LRRC4C: variants seen among roughly 807,000 people sequenced by gnomAD.
LRRC4C encodes the protein leucine-rich repeat-containing protein 4C.
Under a neutral mutation model 33.6 loss-of-function variants are expected in LRRC4C, and 5 were observed. The ratio of observed to expected loss-of-function variants is 0.15; its 90% CI spans 0.08 to 0.31. The LOEUF is 0.31. Among genes scored for constraint, LRRC4C ranks in the 10% least tolerant of loss-of-function variants. The pLI, the probability that LRRC4C is intolerant of heterozygous loss-of-function variation, is 1.00. For missense variants in LRRC4C, 560 were observed against 796.7 expected, an observed-to-expected ratio of 0.70 and a Z score of 3.58; for synonymous variants, 329 against 302.0, an observed-to-expected ratio of 1.09 and a Z score of -0.93.
At chr11:41,097,646 T>A (rs1940898231) in intron 1 of LRRC4C, among the ~76,000 whole-genome samples, 1 of 152,192 alleles carries the variant, frequency 6.6e-6, no homozygotes, top group Non-Finnish European at 1.5e-5. Flanking sequence ...TGTAAGATAC[T>A]ACCAGGACCA....
At chr11:40,716,485 G>C (rs1946724293) in intron 2 of LRRC4C, among the ~76,000 whole-genome samples, 1 of 151,988 alleles carries the variant, frequency 6.6e-6, no homozygotes, top group Non-Finnish European at 1.5e-5. Flanking sequence ...AAAAACAATT[G>C]CTTCACTTTT....
intron 3 of LRRC4C, among the ~76,000 whole-genome samples, chr11:40,633,577 C>A (rs1963704650): frequency 6.6e-6 from 1 of 151,614 alleles, no homozygotes. Flanking sequence ...TTAGTAGAGA[C>A]AGGGTTTCAC....
intron 1 of LRRC4C, among the ~76,000 whole-genome samples, chr11:40,959,540 G>A (rs1959106792): frequency 6.6e-6 from 1 of 151,600 alleles, no homozygotes; most frequent in South Asian, 2.1e-4. Context: ...TATTAATTTT[G>A]CATTAAGTTT....
chr11:40,975,753 T>C (rs1380281722), intron 1 of LRRC4C, among the ~76,000 whole-genome samples: 2 of 152,170 alleles, frequency 1.3e-5, no homozygotes, highest in Non-Finnish European at 2.9e-5. Context: ...TGAGAAGAAG[T>C]TACACAGTTG....
At chr11:41,027,385 C>T (rs191347001) in intron 1 of LRRC4C, among the ~76,000 whole-genome samples, 7 of 151,620 alleles carry the variant, frequency 4.6e-5, no homozygotes, top group Admixed American at 4.0e-4. Flanking sequence ...CTGACTCAGT[C>T]TTCAATTACT....
chr11:41,057,857 A>G (rs116049243), intron 1 of LRRC4C, among the ~76,000 whole-genome samples: 1 of 152,056 alleles, frequency 6.6e-6, no homozygotes, highest in Admixed American at 6.6e-5. Flanking sequence ...ATCTGTCAGG[A>G]TGAATTGTGT....
At chr11:40,779,651 T>A (rs1477443015) in intron 2 of LRRC4C, among the ~76,000 whole-genome samples, 1 of 152,172 alleles carries the variant, frequency 6.6e-6, no homozygotes, top group Non-Finnish European at 1.5e-5. Flanking sequence ...TAGAGTCACG[T>A]ATCTGGAATT....
chr11:40,894,225 A>G (rs1019852375), intron 2 of LRRC4C, among the ~76,000 whole-genome samples: 11 of 152,160 alleles, frequency 7.2e-5, no homozygotes, highest in Non-Finnish European at 1.3e-4. Flanking sequence ...GTATTGATAC[A>G]TGTCTCTAAA....
chr11:41,229,616 C>T (rs1947693989), intron 1 of LRRC4C, among the ~76,000 whole-genome samples: 2 of 152,034 alleles, frequency 1.3e-5, no homozygotes, highest in South Asian at 2.1e-4. Flanking sequence ...TCTTGTATGG[C>T]CAATTTCTCA....
At chr11:40,392,787 T>C in intron 3 of LRRC4C, among the ~76,000 whole-genome samples, 1 of 152,282 alleles carries the variant, frequency 6.6e-6, no homozygotes, top group East Asian at 1.9e-4. Flanking sequence ...CTACTATGTA[T>C]CATGTTCTAA....
chr11:40,546,127 TTCCTTC>T (rs1956913196), intron 3 of LRRC4C, among the ~76,000 whole-genome samples: 1 of 150,136 alleles, frequency 6.7e-6, no homozygotes, highest in African/African-American at 2.5e-5. Flanking sequence ...CCTTCCTTCC[TTCCTTC>T]TTTCCTTTCT....
chr11:40,506,650 AT>A (rs1367774924), intron 3 of LRRC4C, among the ~76,000 whole-genome samples: 5 of 152,138 alleles, frequency 3.3e-5, no homozygotes, highest in Admixed American at 1.3e-4. Context: ...TGAAAAAAAA[AT>A]AATTCTAATG....
chr11:40,808,568 CCCCTGCCTT>C (rs1951348809), intron 2 of LRRC4C, among the ~76,000 whole-genome samples: 1 of 152,084 alleles, frequency 6.6e-6, no homozygotes, highest in Non-Finnish European at 1.5e-5. Context: ...CTCTCTGTCT[CCCCTGCCTT>C]CTCCTCTGCA....
At chr11:41,136,791 C>T (rs908237468) in intron 1 of LRRC4C, among the ~76,000 whole-genome samples, 46 of 152,216 alleles carry the variant, frequency 3.0e-4, no homozygotes, top group African/African-American at 8.4e-4. Context: ...GCTCAGTTAT[C>T]GAGCCCAAGA....
intron 1 of LRRC4C, among the ~76,000 whole-genome samples, chr11:41,214,799 A>G (rs938662891): frequency 3.4e-5 from 5 of 146,172 alleles, no homozygotes; most frequent in African/African-American, 1.3e-4. Context: ...ATGTGTGTAT[A>G]TATATGTGTG....
chr11:40,555,774 TA>T (rs1371387998), intron 3 of LRRC4C, among the ~76,000 whole-genome samples: 2 of 152,180 alleles, frequency 1.3e-5, no homozygotes, highest in Non-Finnish European at 2.9e-5. Context: ...TTCAAAGGGT[TA>T]AAAATGGCTG....
intron 1 of LRRC4C, among the ~76,000 whole-genome samples, chr11:41,294,933 A>C (rs1417893846): frequency 6.6e-6 from 1 of 152,178 alleles, no homozygotes; most frequent in Non-Finnish European, 1.5e-5. Flanking sequence ...TATAACAATG[A>C]GTTTTGCCCA....
chr11:41,107,237 A>T (rs1251914407), intron 1 of LRRC4C, among the ~76,000 whole-genome samples: 3 of 152,022 alleles, frequency 2.0e-5, no homozygotes, highest in Admixed American at 2.0e-4. Flanking sequence ...CTGATTTGTG[A>T]TGTTCAGCCT....
intron 2 of LRRC4C, among the ~76,000 whole-genome samples, chr11:40,663,881 A>G (rs1495300): frequency 0.53 from 80,090 of 152,050 alleles, 22,422 homozygotes; most frequent in East Asian, 0.71. Flanking sequence ...CATCAAAATG[A>G]TTGCAGAAAT....
Sources: gnomAD v4.1 joint callset for allele counts (sites outside exome capture counted in the v4.1 genomes callset) on GRCh38, gnomAD v4.1.1 for gene constraint, MANE v1.5 for transcripts, NCBI Gene and HGNC (gene_info 2026-07-23, HGNC 2026-07-21) for gene names.